The following NAT1 variants were observed in gnomAD, a reference collection of about 807,000 sequenced individuals.
NAT1 encodes arylamine N-acetyltransferase 1.
For synonymous variants in NAT1, 144 were observed against 122.6 expected (o/e 1.17, Z -1.16); for missense variants, 400 against 339.2 (o/e 1.18, Z -1.41).
chr8:18,193,503 T>G (rs1001495843), intron 2 of NAT1, among the ~76,000 whole-genome samples: 13 of 131,048 alleles, frequency 9.9e-5, no homozygotes, highest in Non-Finnish European at 1.5e-5. Flanking sequence ...TATATATATA[T>G]ATAATATATA....
intron 1 of NAT1, among the ~76,000 whole-genome samples, chr8:18,218,611 A>C (rs1236204740): frequency 6.6e-6 from 1 of 152,206 alleles, no homozygotes; most frequent in Non-Finnish European, 1.5e-5. Flanking sequence ...ATGATTTATT[A>C]TTATATTAAT....
chr8:18,205,260 G>T (rs7003666), upstream of NAT1, among the ~76,000 whole-genome samples: 16,478 of 152,192 alleles, frequency 0.11, 2,367 homozygotes, highest in African/African-American at 0.33. Flanking sequence ...TTCATCATAG[G>T]GGTGGAGGCA....
intron 2 of NAT1, among the ~76,000 whole-genome samples, chr8:18,201,639 G>A (rs904519624): frequency 2.6e-5 from 4 of 152,214 alleles, no homozygotes. Flanking sequence ...GAGGGGATGG[G>A]CTGACCAGCG....
intron 1 of NAT1, among the ~76,000 whole-genome samples, chr8:18,216,644 G>T (rs567001980): frequency 6.6e-6 from 1 of 152,210 alleles, no homozygotes; most frequent in Non-Finnish European, 1.5e-5. Context: ...TCAGTCATCA[G>T]AACACAGTCA....
chr8:18,181,254 C>G (rs1033974590), intron 2 of NAT1, among the ~76,000 whole-genome samples: 10 of 151,942 alleles, frequency 6.6e-5, no homozygotes, highest in African/African-American at 2.4e-4. Flanking sequence ...TAAAAAGTAG[C>G]TATTCAGTAG....
In NAT1 at chr8:18,222,353, C is replaced by T. The variant is rs1805398870; in HGVS notation, c.306C>T (p.Ser102=). The change falls in exon 3 of 3, where the codon AGC becomes AGT. Residue 102 remains serine (S), a synonymous_variant. Coordinates refer to ENST00000307719, the MANE Select transcript of NAT1 (RefSeq NM_000662.8). Reference sequence around the variant, plus strand: ...ACAGCACTCCAGCCAAAAAATACAGCACTGGCATGATTCACCTTCTCCTGC... The same window carrying T: ...ACAGCACTCCAGCCAAAAAATACAGTACTGGCATGATTCACCTTCTCCTGC... ...YVYSTPAKKY[S]TGMIHLLLQV... The T allele has an allele frequency of 6.2e-7, 1 of 1,614,076 alleles. No individual in the cohort carries two copies. The highest frequency in any genetic ancestry group is 8.5e-7 in the Non-Finnish European group (1 of 1,180,008).
At chr8:18,219,167 T>C (rs1367655995) in intron 1 of NAT1, among the ~76,000 whole-genome samples, 1 of 151,986 alleles carries the variant, frequency 6.6e-6, no homozygotes, top group East Asian at 1.9e-4. Flanking sequence ...GCCCCGCTGC[T>C]GGTGGCTTCC....
At chr8:18,220,663 C>G (rs1805188273) in intron 2 of NAT1, among the ~76,000 whole-genome samples, 1 of 152,088 alleles carries the variant, frequency 6.6e-6, no homozygotes, top group Non-Finnish European at 1.5e-5. Flanking sequence ...TCTTGGTAAA[C>G]TTGGTGAACT....
At chr8:18,205,342 G>A (rs566422730), upstream of NAT1, among the ~76,000 whole-genome samples, 2 of 152,290 alleles carry the variant, frequency 1.3e-5, no homozygotes, top group African/African-American at 2.4e-5. Context: ...ACTGGTGGTG[G>A]TATTGGCTTG....
intron 1 of NAT1, among the ~76,000 whole-genome samples, chr8:18,219,179 C>T (rs1057487957): frequency 6.6e-5 from 10 of 152,060 alleles, no homozygotes; most frequent in Non-Finnish European, 1.3e-4. Context: ...GTGGCTTCCA[C>T]AGCTTCCAGG....
chr8:18,214,787 G>C lies in NAT1; in HGVS notation c.-86+4607G>C, dbSNP rs115628981. On this transcript the variant is annotated intron_variant, in intron 1 of 2. Transcript: ENST00000307719. The stretch of plus-strand genomic sequence containing the variant: ...TTGTTGTACAGATTTTATCACCCAG[G>C]TATTAAGCCTACTACCCGTTAGTAA... 2.9e-3 allele frequency among the ~76,000 whole-genome samples: 449 copies of C among 152,228 alleles called. 3 individuals carry two copies. Among genetic ancestry groups the C allele is most frequent in the African/African-American group, 0.01 (424 of 41,540 alleles).
At chr8:18,171,771 A>C (rs559166234) in intron 2 of NAT1, among the ~76,000 whole-genome samples, 2 of 152,306 alleles carry the variant, frequency 1.3e-5, no homozygotes, top group Admixed American at 1.3e-4. Flanking sequence ...CTAGAAACGC[A>C]ACAAGGAGTA....
chr8:18,196,969 C>T (rs1009389886), intron 2 of NAT1, among the ~76,000 whole-genome samples: 1 of 152,114 alleles, frequency 6.6e-6, no homozygotes, highest in Non-Finnish European at 1.5e-5. Flanking sequence ...AAAGAGGTTT[C>T]GTTGACTCAC....
At chr8:18,171,043 G>T (rs1802078814) in intron 2 of NAT1, among the ~76,000 whole-genome samples, 1 of 152,162 alleles carries the variant, frequency 6.6e-6, no homozygotes, top group South Asian at 2.1e-4. Context: ...AGGCCTTGGG[G>T]TAGGTAATTT....
At chr8:18,198,436 A>T (rs1042636827) in intron 2 of NAT1, among the ~76,000 whole-genome samples, 1 of 152,166 alleles carries the variant, frequency 6.6e-6, no homozygotes, top group African/African-American at 2.4e-5. Context: ...TCAGAGAATA[A>T]CTCTTGTAGT....
chr8:18,191,329 G>C (rs1263326663), intron 2 of NAT1, among the ~76,000 whole-genome samples: 5 of 152,076 alleles, frequency 3.3e-5, no homozygotes, highest in African/African-American at 1.2e-4. Context: ...GGTGTTTTTA[G>C]TTTAATAAAA....
chr8:18,194,672 T>C (rs1803156975), intron 2 of NAT1, among the ~76,000 whole-genome samples: 1 of 151,904 alleles, frequency 6.6e-6, no homozygotes, highest in African/African-American at 2.4e-5. Flanking sequence ...ATACAAAAAT[T>C]AGCCGGGCAT....
intron 1 of NAT1, among the ~76,000 whole-genome samples, chr8:18,214,014 C>T (rs28359499): frequency 5.9e-4 from 90 of 152,142 alleles, no homozygotes; most frequent in African/African-American, 2.0e-3. Context: ...AGGGTTTCAC[C>T]GTGTTAGCCA....
At chr8:18,182,393 C>A (rs1277738605) in intron 2 of NAT1, among the ~76,000 whole-genome samples, 1 of 152,094 alleles carries the variant, frequency 6.6e-6, no homozygotes, top group Non-Finnish European at 1.5e-5. Context: ...TTTCTTATAG[C>A]CCAAGGTCAT....
Sources: gnomAD v4.1 joint callset for allele counts (sites outside exome capture counted in the v4.1 genomes callset) on GRCh38, gnomAD v4.1.1 for gene constraint, MANE v1.5 for transcripts, NCBI Gene and HGNC (gene_info 2026-07-23, HGNC 2026-07-21) for gene names.